TBC1D8B: variants seen among roughly 807,000 people sequenced by gnomAD.
The protein encoded by TBC1D8B is TBC1 domain family member 8B.
In TBC1D8B, 75 loss-of-function variants were observed where a neutral mutation model predicts 82.9. The ratio of observed to expected loss-of-function variants is 0.90; its 90% CI spans 0.75 to 1.10. The LOEUF (loss-of-function observed/expected upper bound fraction) is 1.10, where lower values mean the gene tolerates loss of function less well. Among genes scored for constraint, TBC1D8B ranks in the 50% least tolerant of loss-of-function variants. The pLI, the probability that TBC1D8B is intolerant of heterozygous loss-of-function variation, is 0.00. For missense variants in TBC1D8B, 794 were observed against 796.9 expected (o/e 1.00, Z 0.04); for synonymous variants, 276 against 276.8 (o/e 1.00, Z 0.03).
intron 2 of TBC1D8B, among the ~76,000 whole-genome samples, 177 bp downstream of exon 2, chrX:106,818,950 T>G (rs964846811): frequency 1.8e-5 from 2 of 109,564 alleles, no homozygotes; most frequent in East Asian, 2.8e-4. Context: ...ATTAAGTTTT[T>G]TTTTTTTTTT....
chrX:106,812,423 G>A (rs745595255), intron 1 of TBC1D8B, among the ~76,000 whole-genome samples: 61 of 111,793 alleles, frequency 5.5e-4, no homozygotes, highest in Non-Finnish European at 1.0e-3. Context: ...AATCATTACC[G>A]TGGAAAAAAT....
intron 1 of TBC1D8B, among the ~76,000 whole-genome samples, chrX:106,806,707 CT>C (rs1175233246): frequency 9.0e-6 from 1 of 111,307 alleles, no homozygotes; most frequent in African/African-American, 3.3e-5. Context: ...CTCAGTAGAC[CT>C]TTTTTGTGTG....
At chrX:106,819,602 T>C (rs900758040) in intron 2 of TBC1D8B, among the ~76,000 whole-genome samples, 3 of 110,948 alleles carry the variant, frequency 2.7e-5, no homozygotes, top group African/African-American at 9.8e-5. Flanking sequence ...ACATATAGCA[T>C]ACAATTAATT....
rs1400953013 is a variant in TBC1D8B, at chrX:106,866,852, T to C, written c.2718T>C (p.His906=). 11 of 1,180,618 alleles carry C rather than the reference T, an allele frequency of 9.3e-6. No homozygotes were observed. The highest frequency in any genetic ancestry group is 1.3e-5 in the Non-Finnish European group (11 of 875,464). The change falls in exon 17 of 21, where the codon CAT becomes CAC. Residue 906 remains histidine, a synonymous_variant. Coordinates refer to ENST00000357242, the MANE Select transcript of TBC1D8B (RefSeq NM_017752.3). The part of the protein sequence containing the change: ...TEKLKLLFKL[H]IPPAYTEVKS... ...AGCTTAAGCTGCTTTTTAAGCTACA[T>C]ATTCCTCCAGGTAAGAGTTTACCAG... is the stretch of plus-strand genomic sequence containing the variant.
chrX:106,850,991 G>T (rs951335142), intron 12 of TBC1D8B, among the ~76,000 whole-genome samples: 17 of 111,415 alleles, frequency 1.5e-4, no homozygotes, highest in African/African-American at 4.9e-4. Flanking sequence ...TGTGGTATTT[G>T]CCAAGTACTC....
chrX:106,835,424 G>A (rs1243956654), intron 7 of TBC1D8B, among the ~76,000 whole-genome samples: 1 of 112,233 alleles, frequency 8.9e-6, no homozygotes, highest in Non-Finnish European at 1.9e-5. Flanking sequence ...TCCCTCCTAG[G>A]CTTCCAGGCC....
chrX:106,827,009 A>C (rs779434590), intron 6 of TBC1D8B, among the ~76,000 whole-genome samples, 161 bp from the exon 7 acceptor site: 1 of 111,878 alleles, frequency 8.9e-6, no homozygotes, highest in East Asian at 2.8e-4. Context: ...CACTGAGGTT[A>C]ATTGTATGAT....
chrX:106,856,134 C>G (rs1602432950), intron 14 of TBC1D8B, among the ~76,000 whole-genome samples: 1 of 112,219 alleles, frequency 8.9e-6, no homozygotes, highest in Non-Finnish European at 1.9e-5. Context: ...TGTTTATTAG[C>G]CTTTTTAATT....
chrX:106,834,545 CTTAA>C (rs1275723552), intron 7 of TBC1D8B, among the ~76,000 whole-genome samples: 4 of 111,450 alleles, frequency 3.6e-5, no homozygotes, highest in Non-Finnish European at 3.8e-5. Flanking sequence ...CCCCTAAAGT[CTTAA>C]TTCATTCCCA....
chrX:106,818,906 A>G (rs1291888941), intron 2 of TBC1D8B, 133 bp downstream of exon 2: 11 of 465,130 alleles, frequency 2.4e-5, no homozygotes, highest in African/African-American at 5.0e-5. Context: ...CTTTGAGAGA[A>G]TAGCAAGACC....
At chrX:106,866,393 C>A (rs982195242) in intron 16 of TBC1D8B, among the ~76,000 whole-genome samples, 2 of 111,438 alleles carry the variant, frequency 1.8e-5, no homozygotes, top group African/African-American at 6.5e-5. Flanking sequence ...AAATACCCAG[C>A]AAACATGTTG....
intron 1 of TBC1D8B, chrX:106,814,589 T>C (rs1379159081): frequency 9.3e-6 from 1 of 107,643 alleles, no homozygotes; most frequent in African/African-American, 3.4e-5. Flanking sequence ...TCAAATGGTA[T>C]TTCTAGTTCT....
intron 17 of TBC1D8B, among the ~76,000 whole-genome samples, 181 bp from the exon 18 acceptor site, chrX:106,868,212 A>G (rs1932826097): frequency 1.8e-5 from 2 of 110,290 alleles, no homozygotes; most frequent in African/African-American, 6.6e-5. Context: ...TATTACATAT[A>G]TTACAGTATA....
chrX:106,870,087 G>T (rs1932838154), intron 19 of TBC1D8B, among the ~76,000 whole-genome samples: 1 of 112,108 alleles, frequency 8.9e-6, no homozygotes, highest in South Asian at 3.7e-4. Context: ...CTGGAGTGCA[G>T]TGGCATGATC....
intron 7 of TBC1D8B, among the ~76,000 whole-genome samples, chrX:106,831,183 A>G (rs754908107): frequency 9.0e-6 from 1 of 111,369 alleles, no homozygotes; most frequent in East Asian, 2.8e-4. Flanking sequence ...TGGCTATATT[A>G]TTTTATTTGA....
At chrX:106,820,118 CT>C (rs890599189) in intron 2 of TBC1D8B, among the ~76,000 whole-genome samples, 1 of 110,906 alleles carries the variant, frequency 9.0e-6, no homozygotes, top group African/African-American at 3.3e-5. Flanking sequence ...CAGCATATTT[CT>C]TTTGAATATT....
chrX:106,818,465 T>G (rs1931601712), intron 1 of TBC1D8B, 198 bp from the exon 2 acceptor site: 1 of 317,028 alleles, frequency 3.2e-6, no homozygotes, highest in Admixed American at 5.7e-5. Context: ...AAAGATAATT[T>G]TCTCAGATAC....
At chrX:106,864,306 G>C (rs985484525) in intron 14 of TBC1D8B, among the ~76,000 whole-genome samples, 1 of 110,048 alleles carries the variant, frequency 9.1e-6, no homozygotes, top group Non-Finnish European at 1.9e-5. Flanking sequence ...TCCTGACTCC[G>C]CATTGATGCC....
intron 19 of TBC1D8B, among the ~76,000 whole-genome samples, chrX:106,870,458 T>C: frequency 8.9e-6 from 1 of 112,175 alleles, no homozygotes; most frequent in Non-Finnish European, 1.9e-5. Flanking sequence ...AATCTAAATA[T>C]GTCCTTTCTC....
Sources: gnomAD v4.1 joint callset for allele counts (sites outside exome capture counted in the v4.1 genomes callset) on GRCh38, gnomAD v4.1.1 for gene constraint, MANE v1.5 for transcripts, NCBI Gene and HGNC (gene_info 2026-07-23, HGNC 2026-07-21) for gene names.